Variants in STX7 observed in about 807,000 individuals in gnomAD.
STX7 encodes the protein syntaxin 7, also known as syntaxin-7.
A neutral mutation model predicts 39.6 loss-of-function variants in STX7; 34 were observed. The observed-to-expected ratio is 0.86, with a 90% CI of 0.65 to 1.14. The LOEUF is 1.14. STX7 is among the 50% of genes most tolerant of loss of function. STX7 has a pLI of 0.00. For synonymous variants in STX7, 119 were observed against 99.1 expected, an observed-to-expected ratio of 1.20 and a Z score of -1.19; for missense variants, 284 against 310.4, an observed-to-expected ratio of 0.92 and a Z score of 0.64.
chr6:132,461,713 AC>A, intron 9 of STX7: 1 of 1,012,954 alleles, frequency 9.9e-7, no homozygotes, highest in Non-Finnish European at 1.4e-6. Context: ...CAAAATCTCA[AC>A]AAACAAAACC....
At chr6:132,471,628 T>C in intron 4 of STX7, 28 bp from the exon 5 acceptor site, 7 of 1,605,866 alleles carry the variant, frequency 4.4e-6, no homozygotes, top group Admixed American at 3.5e-5. Context: ...AAAAGCCAAC[T>C]AGAATCTAGC....
chr6:132,502,621 C>T (rs1057238588), intron 2 of STX7, among the ~76,000 whole-genome samples: 19 of 131,176 alleles, frequency 1.4e-4, no homozygotes, highest in East Asian at 3.2e-4. Flanking sequence ...ATAATTTGGC[C>T]GGGCGCGGTG....
At chr6:132,501,475 A>G (rs1306388407) in intron 2 of STX7, among the ~76,000 whole-genome samples, 3 of 152,112 alleles carry the variant, frequency 2.0e-5, no homozygotes, top group African/African-American at 7.2e-5. Flanking sequence ...TGCCATAAAT[A>G]TTCAACTCTG....
rs1260164206 is a variant in STX7, at chr6:132,445,933, A to C, written c.*14825T>G. 2 of 152,228 alleles carry C rather than the reference A, an allele frequency of 1.3e-5. No individual in the cohort carries two copies. Among genetic ancestry groups the C allele is most frequent in the African/African-American group, 4.8e-5 (2 of 41,470 alleles). The allele number at this position is 152,228 out of a possible 1,614,324, so 9.4% of individuals were successfully genotyped here. ...GTAAATTTTCTTTTGAAGATTTTATAAATTACACATGGGGTTGTTATTACA... is the reference window on the plus strand; with the variant it reads ...GTAAATTTTCTTTTGAAGATTTTATCAATTACACATGGGGTTGTTATTACA... On this transcript the variant is annotated 3_prime_UTR_variant, in exon 10 of 10. Transcript: ENST00000367941.
intron 1 of STX7, among the ~76,000 whole-genome samples, chr6:132,511,759 C>T (rs906916579): frequency 2.6e-5 from 4 of 152,182 alleles, no homozygotes; most frequent in African/African-American, 9.7e-5. Flanking sequence ...TACTTTCACA[C>T]ATGAAACTTG....
intron 3 of STX7, 94 bp from the exon 4 acceptor site, chr6:132,472,469 A>G: frequency 1.1e-6 from 1 of 936,616 alleles, no homozygotes; most frequent in Non-Finnish European, 1.5e-6. Flanking sequence ...AAACAGTTGT[A>G]CAAAAATTGC....
Position 132,452,741 on chromosome 6 carries a change from G to A in STX7, c.*8017C>T, listed in dbSNP as rs555900064. The A allele has an allele frequency of 5.3e-5, 8 of 152,250 alleles. No homozygotes were observed. The highest frequency in any genetic ancestry group is 2.0e-4 in the Admixed American group (3 of 15,300). The allele number at this position is 152,250 out of a possible 1,614,324, so 9.4% of individuals were successfully genotyped here. A position where few individuals can be genotyped will look rare whatever the true frequency, so the allele number is the denominator to read the frequency against. ...AAGGAAAACAAAATTTAACTGAAAT[G>A]AAGTGAAGTGATCCTGTGATCATGA... is the stretch of plus-strand genomic sequence containing the variant. On this transcript the variant is annotated 3_prime_UTR_variant, in exon 10 of 10. Transcript: ENST00000367941.
At chr6:132,472,435 T>C (rs1774751336) in intron 3 of STX7, 60 bp from the exon 4 acceptor site, 12 of 1,326,940 alleles carry the variant, frequency 9.0e-6, no homozygotes, top group Middle Eastern at 4.0e-4. Context: ...AAGCTTCAAC[T>C]CTGCCTTTTG....
Position 132,452,461 on chromosome 6 carries a change from A to C in STX7, c.*8297T>G, listed in dbSNP as rs527486982. On this transcript the variant is annotated 3_prime_UTR_variant, in exon 10 of 10. Coordinates refer to ENST00000367941, the MANE Select transcript of STX7 (RefSeq NM_003569.3). ...TAAAACTATTCATTATTTGCAGATGACATGACTATCTATATAAAAAAAAAA... is the reference window on the plus strand; with the variant it reads ...TAAAACTATTCATTATTTGCAGATGCCATGACTATCTATATAAAAAAAAAA... The C allele has an allele frequency of 6.8e-6, 1 of 147,246 alleles. No homozygotes were observed. The highest frequency in any genetic ancestry group is 2.3e-4 in the South Asian group (1 of 4,402). The allele number at this position is 147,246 out of a possible 1,614,324, so 9.1% of individuals were successfully genotyped here. A position where few individuals can be genotyped will look rare whatever the true frequency, so the allele number is the denominator to read the frequency against.
intron 2 of STX7, among the ~76,000 whole-genome samples, chr6:132,484,290 C>G (rs1775077748): frequency 6.6e-6 from 1 of 152,120 alleles, no homozygotes. Flanking sequence ...AACAGTGTCC[C>G]GTTTCTGGCT....
At chr6:132,505,847 A>G (rs919241008) in intron 1 of STX7, among the ~76,000 whole-genome samples, 2 of 152,094 alleles carry the variant, frequency 1.3e-5, no homozygotes, top group African/African-American at 4.8e-5. Flanking sequence ...AATTATACTA[A>G]AAGGGTATAG....
At position 132,450,003 on chromosome 6, in the gene STX7, C is replaced by A. The variant is rs1057439351; in HGVS notation, c.*10755G>T. 3.3e-5 allele frequency: 5 copies of A among 152,180 alleles called. No homozygotes were observed. Among genetic ancestry groups the A allele is most frequent in the Admixed American group, 3.3e-4 (5 of 15,276 alleles). The allele number at this position is 152,180 out of a possible 1,614,324, so 9.4% of individuals were successfully genotyped here. On this transcript the variant is annotated 3_prime_UTR_variant, in exon 10 of 10. Transcript: ENST00000367941. Reference sequence around the variant, plus strand: ...TTAGGACTACTTTAATGCTTTAAAGCATTCCTGGTTTTATGAAGGAATCTT... The same window carrying A: ...TTAGGACTACTTTAATGCTTTAAAGAATTCCTGGTTTTATGAAGGAATCTT...
At chr6:132,470,943 T>C (rs1371731190) in intron 5 of STX7, among the ~76,000 whole-genome samples, 1 of 152,204 alleles carries the variant, frequency 6.6e-6, no homozygotes, top group African/African-American at 2.4e-5. Flanking sequence ...CATATGTTAA[T>C]GAATAAGAAA....
intron 2 of STX7, among the ~76,000 whole-genome samples, chr6:132,484,334 G>A (rs981447363): frequency 5.9e-5 from 9 of 152,136 alleles, no homozygotes; most frequent in Admixed American, 3.3e-4. Flanking sequence ...TCTGTTCCAC[G>A]TGGGTCTGCT....
In STX7 at chr6:132,495,136, A is replaced by C. The variant is rs527394686; in HGVS notation, c.85+8310T>G. On this transcript the variant is annotated intron_variant, in intron 2 of 9. Coordinates refer to ENST00000367941, the MANE Select transcript of STX7 (RefSeq NM_003569.3). Reference sequence around the variant, plus strand: ...TTCACAGATAGGAGAGTGAGGGATAAAGCTCCTTGAAGCATCTTGGAGCCA... The same window carrying C: ...TTCACAGATAGGAGAGTGAGGGATACAGCTCCTTGAAGCATCTTGGAGCCA... Among the ~76,000 whole-genome samples the C allele has an allele frequency of 1.4e-4, 22 of 152,304 alleles. No individual in the cohort carries two copies. In the South Asian group the frequency reaches 1.4e-3, roughly 10 times the overall value.
chr6:132,483,824 T>G (rs1775067231), intron 2 of STX7, among the ~76,000 whole-genome samples: 1 of 152,198 alleles, frequency 6.6e-6, no homozygotes, highest in African/African-American at 2.4e-5. Flanking sequence ...ATAAGAGGTT[T>G]CTAGTCAGAT....
chr6:132,469,309 T>A (rs955427197), intron 7 of STX7, among the ~76,000 whole-genome samples: 1 of 152,204 alleles, frequency 6.6e-6, no homozygotes, highest in Non-Finnish European at 1.5e-5. Context: ...GTGTATCATG[T>A]GCTCTGGGAA....
intron 1 of STX7, among the ~76,000 whole-genome samples, chr6:132,508,342 C>T (rs1376503255): frequency 6.6e-6 from 1 of 152,162 alleles, no homozygotes; most frequent in Non-Finnish European, 1.5e-5. Flanking sequence ...ACCTTTTTTC[C>T]TCTCTGGAAA....
Position 132,454,750 on chromosome 6 carries a change from ATGTT to A in STX7, c.*6004_*6007del, listed in dbSNP as rs1774210045. ...GGGTAGCCCTAATTTTGAACAAAAA[ATGTT>A]TGTTTATTGCCTCCAAGATAGAACA... On this transcript the variant is annotated 3_prime_UTR_variant, in exon 10 of 10. Coordinates refer to ENST00000367941, the MANE Select transcript of STX7 (RefSeq NM_003569.3). 1 of 152,158 alleles carries A rather than the reference ATGTT, an allele frequency of 6.6e-6. No individual in the cohort carries two copies. Among genetic ancestry groups the A allele is most frequent in the Admixed American group, 6.5e-5 (1 of 15,274 alleles). The allele number at this position is 152,158 out of a possible 1,614,324, so 9.4% of individuals were successfully genotyped here. A position where few individuals can be genotyped will look rare whatever the true frequency, so the allele number is the denominator to read the frequency against.
Sources: gnomAD v4.1 joint callset for allele counts (sites outside exome capture counted in the v4.1 genomes callset) on GRCh38, gnomAD v4.1.1 for gene constraint, MANE v1.5 for transcripts, NCBI Gene and HGNC (gene_info 2026-07-23, HGNC 2026-07-21) for gene names.